Variants in RORA observed in about 807,000 individuals in gnomAD.
The protein encoded by RORA is nuclear receptor ROR-alpha.
In RORA, 7 loss-of-function variants were observed where a neutral mutation model predicts 69.5. That is an observed-to-expected ratio of 0.10 (90% CI 0.06 to 0.19). The LOEUF is 0.19. Ranked by LOEUF, RORA falls within the 10% of genes least tolerant of loss-of-function variation. The pLI, the probability that RORA is intolerant of heterozygous loss-of-function variation, is 1.00. For synonymous variants in RORA, 261 were observed against 240.8 expected, an observed-to-expected ratio of 1.08 and a Z score of -0.78; for missense variants, 457 against 663.0, an observed-to-expected ratio of 0.69 and a Z score of 3.41.
At chr15:60,697,577 T>C (rs1000881378) in intron 1 of RORA, among the ~76,000 whole-genome samples, 11 of 152,116 alleles carry the variant, frequency 7.2e-5, no homozygotes, top group African/African-American at 2.4e-4. Flanking sequence ...TTTTTTTTTT[T>C]TCCAAACACT....
intron 3 of RORA, among the ~76,000 whole-genome samples, chr15:60,516,809 A>G (rs1047288615): frequency 6.0e-4 from 92 of 152,346 alleles, no homozygotes; most frequent in African/African-American, 2.1e-3. Context: ...GAATGTAGAA[A>G]GATCCTAACT....
chr15:60,552,123 G>A (rs1482664487), intron 2 of RORA, among the ~76,000 whole-genome samples: 2 of 152,196 alleles, frequency 1.3e-5, no homozygotes, highest in Non-Finnish European at 2.9e-5. Flanking sequence ...AGCTGCAGGT[G>A]CAGAGAGTTA....
intron 1 of RORA, among the ~76,000 whole-genome samples, chr15:61,095,225 G>A (rs2078771506): frequency 6.6e-6 from 1 of 152,172 alleles, no homozygotes; most frequent in Non-Finnish European, 1.5e-5. Flanking sequence ...AGAATGCTCA[G>A]GTGGGCGGCT....
chr15:60,878,581 ACCATCCT>A (rs2073645556), intron 1 of RORA, among the ~76,000 whole-genome samples: 1 of 152,134 alleles, frequency 6.6e-6, no homozygotes, highest in Non-Finnish European at 1.5e-5. Context: ...CTGAGTCCTG[ACCATCCT>A]CGGAGGTCAC....
intron 1 of RORA, among the ~76,000 whole-genome samples, chr15:61,031,792 G>A (rs1366310980): frequency 6.6e-6 from 1 of 152,174 alleles, no homozygotes; most frequent in African/African-American, 2.4e-5. Flanking sequence ...CCACGACGAT[G>A]GGCAAATGGA....
At chr15:60,769,379 G>C (rs538307901) in intron 1 of RORA, among the ~76,000 whole-genome samples, 9 of 152,148 alleles carry the variant, frequency 5.9e-5, no homozygotes, top group Admixed American at 2.0e-4. Flanking sequence ...GGGGGAATCT[G>C]GACTAGTAAT....
At chr15:60,656,458 G>T (rs1281827374) in intron 2 of RORA, among the ~76,000 whole-genome samples, 2 of 152,168 alleles carry the variant, frequency 1.3e-5, no homozygotes, top group Non-Finnish European at 2.9e-5. Flanking sequence ...ACAGCAGTAT[G>T]CTCTATAAGA....
intron 1 of RORA, among the ~76,000 whole-genome samples, chr15:61,109,221 C>T (rs1483825663): frequency 2.0e-5 from 3 of 152,052 alleles, no homozygotes; most frequent in Non-Finnish European, 2.9e-5. Flanking sequence ...TTAACCAGTA[C>T]CATAAGCACT....
rs193272626 is a variant in RORA, at chr15:60,883,682, A to T, written c.167-204996T>A. 1.5e-4 allele frequency among the ~76,000 whole-genome samples: 23 copies of T among 152,378 alleles called. No homozygotes were observed. In the East Asian group the frequency reaches 3.8e-3, roughly 26 times the overall value. ...TTAGAATCTTTTTATTTTTCTGTTA[A>T]TATGTTTCTAAGATTCTCCAATAAG... On this transcript the variant is annotated intron_variant, in intron 1 of 10. Transcript: ENST00000335670.
At chr15:60,917,930 G>A (rs1473430505) in intron 1 of RORA, among the ~76,000 whole-genome samples, 3 of 152,228 alleles carry the variant, frequency 2.0e-5, no homozygotes, top group Non-Finnish European at 2.9e-5. Flanking sequence ...TGAATCAGAC[G>A]CAGCCCTCTG....
chr15:60,797,723 G>C (rs757431114), intron 1 of RORA, among the ~76,000 whole-genome samples: 4 of 152,156 alleles, frequency 2.6e-5, no homozygotes, highest in Non-Finnish European at 5.9e-5. Context: ...TTCCCACCAA[G>C]ACCAGCACGC....
chr15:60,663,374 C>T (rs746768386), intron 2 of RORA, among the ~76,000 whole-genome samples: 1 of 152,156 alleles, frequency 6.6e-6, no homozygotes, highest in Non-Finnish European at 1.5e-5. Flanking sequence ...GCCTTTATGC[C>T]AAGAGGGTTA....
At chr15:61,135,964 A>T (rs993629776) in intron 1 of RORA, among the ~76,000 whole-genome samples, 1 of 152,270 alleles carries the variant, frequency 6.6e-6, no homozygotes, top group Non-Finnish European at 1.5e-5. Context: ...GTGAGGGGAA[A>T]TAAAAGCTTC....
chr15:60,610,351 G>A (rs907039542), intron 2 of RORA, among the ~76,000 whole-genome samples: 4 of 152,138 alleles, frequency 2.6e-5, no homozygotes, highest in African/African-American at 9.7e-5. Context: ...AAGAACAGAC[G>A]CAGGTTTCAT....
intron 1 of RORA, among the ~76,000 whole-genome samples, chr15:61,200,266 C>A (rs990121977): frequency 1.3e-5 from 2 of 152,106 alleles, no homozygotes; most frequent in African/African-American, 4.8e-5. Flanking sequence ...TGGGGCTTCA[C>A]GAGTAGGGAC....
At chr15:60,740,164 G>A (rs947126144) in intron 1 of RORA, among the ~76,000 whole-genome samples, 4 of 151,980 alleles carry the variant, frequency 2.6e-5, no homozygotes, top group African/African-American at 9.7e-5. Context: ...TGGCAACAAA[G>A]GCCTCTGAAT....
At chr15:60,611,624 C>CTCTTAGCACCTAGTAGGTGCTCAA (rs2069093627) in intron 2 of RORA, among the ~76,000 whole-genome samples, 1 of 115,394 alleles carries the variant, frequency 8.7e-6, no homozygotes, top group Non-Finnish European at 1.6e-5. Flanking sequence ...GTCTAGAGAA[C>CTCTTAGCACCTAGTAGGTGCTCAA]TCTTAGCACC....
intron 1 of RORA, among the ~76,000 whole-genome samples, chr15:60,974,012 A>G (rs561897137): frequency 6.6e-6 from 1 of 152,364 alleles, no homozygotes; most frequent in East Asian, 1.9e-4. Flanking sequence ...GTTGCAAGAC[A>G]TTGCATTTCA....
At chr15:60,561,909 G>T (rs1378893107) in intron 2 of RORA, among the ~76,000 whole-genome samples, 2 of 151,714 alleles carry the variant, frequency 1.3e-5, no homozygotes, top group African/African-American at 4.8e-5. Flanking sequence ...GTGATACACA[G>T]AACAATAGCT....
Sources: allele counts gnomAD v4.1 joint callset (sites outside exome capture counted in the v4.1 genomes callset), GRCh38; gene constraint gnomAD v4.1.1; transcripts MANE v1.5; gene names NCBI Gene and HGNC (gene_info 2026-07-23, HGNC 2026-07-21).